Variants in CTNNA2 observed in about 807,000 individuals in gnomAD.
The protein encoded by CTNNA2 is catenin alpha-2.
In CTNNA2, 42 loss-of-function variants were observed where a neutral mutation model predicts 101.0. That is an observed-to-expected ratio of 0.42 (90% CI 0.32 to 0.54). The LOEUF is 0.54. CTNNA2 is among the 20% of genes least tolerant of loss of function. The pLI, the probability that CTNNA2 is intolerant of heterozygous loss-of-function variation, is 0.14. For synonymous variants in CTNNA2, 450 were observed against 456.4 expected, an observed-to-expected ratio of 0.99 and a Z score of 0.18; for missense variants, 871 against 1,223.1, an observed-to-expected ratio of 0.71 and a Z score of 4.29.
At chr2:79,450,963 A>G (rs896658295) in intron 4 of CTNNA2, among the ~76,000 whole-genome samples, 1 of 152,076 alleles carries the variant, frequency 6.6e-6, no homozygotes, top group Non-Finnish European at 1.5e-5. Flanking sequence ...TTGCAATGCA[A>G]ATTCATACAC....
chr2:79,940,031 G>A (rs1688047228), intron 7 of CTNNA2, among the ~76,000 whole-genome samples: 1 of 152,126 alleles, frequency 6.6e-6, no homozygotes, highest in East Asian at 1.9e-4. Context: ...GGCAGAGGTT[G>A]TGGTGAGCCG....
chr2:79,754,050 G>C (rs1258951697), intron 3 of CTNNA2, among the ~76,000 whole-genome samples: 1 of 151,794 alleles, frequency 6.6e-6, no homozygotes, highest in Non-Finnish European at 1.5e-5. Context: ...TGTATTTCTA[G>C]TAGAGACAGG....
At chr2:80,221,939 T>C (rs1708599987) in intron 7 of CTNNA2, among the ~76,000 whole-genome samples, 1 of 152,226 alleles carries the variant, frequency 6.6e-6, no homozygotes, top group Non-Finnish European at 1.5e-5. Context: ...GAGTTTGGCT[T>C]TTTATCTAAA....
intron 8 of CTNNA2, among the ~76,000 whole-genome samples, chr2:80,414,574 A>T (rs980383542): frequency 6.6e-6 from 1 of 152,116 alleles, no homozygotes; most frequent in African/African-American, 2.4e-5. Flanking sequence ...TTCAAAGAAT[A>T]CTTTCCTCCC....
chr2:80,401,817 T>C (rs1367139219), intron 8 of CTNNA2, among the ~76,000 whole-genome samples: 2 of 152,116 alleles, frequency 1.3e-5, no homozygotes, highest in Non-Finnish European at 2.9e-5. Context: ...AACAGTGTTT[T>C]GCCACACACT....
chr2:80,612,482 A>G (rs1374654185), intron 17 of CTNNA2, among the ~76,000 whole-genome samples: 1 of 151,602 alleles, frequency 6.6e-6, no homozygotes, highest in African/African-American at 2.4e-5. Context: ...CCCTCAATAA[A>G]CCTTAGTGAA....
chr2:80,325,668 C>A (rs1679173712), intron 7 of CTNNA2, among the ~76,000 whole-genome samples: 1 of 152,084 alleles, frequency 6.6e-6, no homozygotes, highest in African/African-American at 2.4e-5. Flanking sequence ...ATGGTTATGG[C>A]TGATTAATCA....
chr2:79,243,869 C>T (rs1031106611), intron 2 of CTNNA2, among the ~76,000 whole-genome samples: 1 of 152,124 alleles, frequency 6.6e-6, no homozygotes. Context: ...TGTGGGAGTG[C>T]ACATTTTTGC....
intron 8 of CTNNA2, among the ~76,000 whole-genome samples, chr2:80,403,864 A>C (rs1678810218): frequency 1.3e-5 from 2 of 152,192 alleles, no homozygotes; most frequent in Admixed American, 1.3e-4. Flanking sequence ...CTATTGAGAT[A>C]CTCATGTGAT....
At chr2:80,316,851 A>G (rs1167845479) in intron 7 of CTNNA2, among the ~76,000 whole-genome samples, 1 of 152,218 alleles carries the variant, frequency 6.6e-6, no homozygotes, top group Non-Finnish European at 1.5e-5. Flanking sequence ...ACAGTGGGGA[A>G]CAAAACTGAG....
At chr2:79,680,623 C>T (rs1297445458) in intron 2 of CTNNA2, among the ~76,000 whole-genome samples, 2 of 152,158 alleles carry the variant, frequency 1.3e-5, no homozygotes, top group Non-Finnish European at 2.9e-5. Context: ...TACTAGGCCT[C>T]ATGGAGGCCA....
At chr2:80,081,064 C>T (rs1309002511) in intron 7 of CTNNA2, among the ~76,000 whole-genome samples, 3 of 143,142 alleles carry the variant, frequency 2.1e-5, no homozygotes, top group African/African-American at 7.9e-5. Flanking sequence ...AGCAAGGAAG[C>T]AATAAAAACA....
rs149915863 is a variant in CTNNA2 at position 79,893,223 on chromosome 2, C to G, written c.853-16371C>G. ...TTCCACCGTTTTGTCCTCCTTCAGC[C>G]CGTTTTCTCACATGGCCACTAAAGT... On this transcript the variant is annotated intron_variant, in intron 6 of 18. Transcript: ENST00000402739. Among the ~76,000 whole-genome samples the G allele has an allele frequency of 1.8e-3, 275 of 152,218 alleles. 3 individuals are homozygous for G. Among genetic ancestry groups the G allele is most frequent in the African/African-American group, 6.3e-3 (261 of 41,540 alleles).
intron 7 of CTNNA2, among the ~76,000 whole-genome samples, chr2:80,015,994 C>A (rs568851488): frequency 6.6e-6 from 1 of 152,194 alleles, no homozygotes; most frequent in Non-Finnish European, 1.5e-5. Flanking sequence ...AAGATGGCCC[C>A]CCTCAGCAAT....
At chr2:79,605,419 A>T (rs1254511679) in intron 1 of CTNNA2, among the ~76,000 whole-genome samples, 1 of 152,196 alleles carries the variant, frequency 6.6e-6, no homozygotes, top group East Asian at 1.9e-4. Flanking sequence ...TTTGATGAAG[A>T]CTATAAAACC....
chr2:79,878,278 C>T (rs1558605259), intron 6 of CTNNA2, among the ~76,000 whole-genome samples: 1 of 152,156 alleles, frequency 6.6e-6, no homozygotes, highest in Non-Finnish European at 1.5e-5. Flanking sequence ...AGTAAACATA[C>T]ATGTGGATGT....
At chr2:79,331,371 T>C (rs1234294632) in intron 3 of CTNNA2, among the ~76,000 whole-genome samples, 4 of 152,152 alleles carry the variant, frequency 2.6e-5, no homozygotes, top group Non-Finnish European at 4.4e-5. Context: ...TCAACTTAGG[T>C]CCTGGTCCCC....
Position 80,259,673 on chromosome 2 carries a change from A to G in CTNNA2, c.1057-133538A>G, listed in dbSNP as rs1475200385. ...CAACTCAAGAATTTTCTTTACTACA[A>G]TGTTGTCTCAATCAAGACATCTAAT... On this transcript the variant is annotated intron_variant, in intron 7 of 18. Transcript: ENST00000402739. Among the ~76,000 whole-genome samples the G allele has an allele frequency of 2.6e-5, 4 of 152,100 alleles. No individual in the cohort carries two copies. The East Asian group carries it at 5.8e-4, about 22-fold the overall frequency.
At chr2:80,342,074 A>G (rs1672296472) in intron 7 of CTNNA2, among the ~76,000 whole-genome samples, 1 of 152,242 alleles carries the variant, frequency 6.6e-6, no homozygotes, top group Non-Finnish European at 1.5e-5. Context: ...ATCTAGAGAC[A>G]GAAAGTAGAT....
Sources: allele counts gnomAD v4.1 joint callset (sites outside exome capture counted in the v4.1 genomes callset), GRCh38; gene constraint gnomAD v4.1.1; transcripts MANE v1.5; gene names NCBI Gene and HGNC (gene_info 2026-07-23, HGNC 2026-07-21).